NEK11: variants seen among roughly 807,000 people sequenced by gnomAD.
The protein encoded by NEK11 is NIMA related kinase 11.
A neutral mutation model predicts 80.7 loss-of-function variants in NEK11; 72 were observed. That is an observed-to-expected ratio of 0.89 (90% CI 0.74 to 1.08). NEK11 has a LOEUF of 1.08. Ranked by LOEUF, NEK11 falls within the 50% of genes least tolerant of loss-of-function variation. The probability of loss-of-function intolerance (pLI) is 0.00; values close to 1 mark genes in which losing one functional copy is unlikely to be tolerated. For missense variants in NEK11, 764 were observed against 763.6 expected, an observed-to-expected ratio of 1.00 and a Z score of -0.01; for synonymous variants, 251 against 260.7, an observed-to-expected ratio of 0.96 and a Z score of 0.36.
chr3:131,051,724 C>T (rs2068448422), intron 3 of NEK11, among the ~76,000 whole-genome samples: 1 of 151,960 alleles, frequency 6.6e-6, no homozygotes, highest in African/African-American at 2.4e-5. Flanking sequence ...TCAATGTTGT[C>T]CAGTCTGGTC....
intron 10 of NEK11, among the ~76,000 whole-genome samples, chr3:131,157,971 G>C (rs1289124817): frequency 6.6e-6 from 1 of 152,114 alleles, no homozygotes; most frequent in African/African-American, 2.4e-5. Context: ...CTGCAGCAGA[G>C]CATGGCCAGG....
intron 15 of NEK11, among the ~76,000 whole-genome samples, chr3:131,237,361 T>C (rs187826451): frequency 9.9e-5 from 15 of 152,174 alleles, no homozygotes; most frequent in Non-Finnish European, 1.9e-4. Context: ...AAATGCAACA[T>C]AGATGAGTTA....
intron 7 of NEK11, among the ~76,000 whole-genome samples, chr3:131,134,984 A>G (rs2085283062): frequency 6.6e-6 from 1 of 152,234 alleles, no homozygotes; most frequent in South Asian, 2.1e-4. Flanking sequence ...GTAAATAATT[A>G]CTGTATGCAA....
chr3:131,301,095 TC>T (rs1195370277), intron 17 of NEK11, among the ~76,000 whole-genome samples: 3 of 152,150 alleles, frequency 2.0e-5, no homozygotes. Flanking sequence ...GAATTTTCAC[TC>T]CCTGGTTAAC....
chr3:131,306,381 C>T (rs529630873), intron 17 of NEK11, among the ~76,000 whole-genome samples: 76 of 152,164 alleles, frequency 5.0e-4, no homozygotes, highest in African/African-American at 1.8e-3. Flanking sequence ...ATTCTACACT[C>T]CTAGGAATAA....
At chr3:131,311,438 T>A (rs1470820522) in intron 17 of NEK11, among the ~76,000 whole-genome samples, 1 of 152,222 alleles carries the variant, frequency 6.6e-6, no homozygotes, top group Non-Finnish European at 1.5e-5. Flanking sequence ...CCAAGACTTT[T>A]AAATCACTTC....
In NEK11 at chr3:131,168,926, G is replaced by A. The variant is rs1490204583; in HGVS notation, c.1273G>A (p.Gly425Ser). 1.2e-6 allele frequency: 2 copies of A among 1,613,592 alleles called. No individual in the cohort carries two copies. Among genetic ancestry groups the A allele is most frequent in the African/African-American group, 2.7e-5 (2 of 74,884 alleles). The change falls in exon 13 of 18, where the codon GGC becomes AGC. Residue 425 changes from glycine to serine, a missense_variant. Coordinates refer to ENST00000383366, the MANE Select transcript of NEK11 (RefSeq NM_024800.5). ...PQDEDEERWQGREEESDEPTL... is the reference protein window; with the variant it reads ...PQDEDEERWQSREEESDEPTL... The stretch of plus-strand genomic sequence containing the variant: ...GGACGAGGATGAAGAGAGGTGGCAA[G>A]GCAGGGAAGAGGCAAGTTTAATCAT...
intron 17 of NEK11, chr3:131,329,639 G>A (rs1417284606): frequency 6.6e-6 from 1 of 152,192 alleles, no homozygotes; most frequent in Non-Finnish European, 1.5e-5. Flanking sequence ...AAAGACTACA[G>A]TTTAAAGAGG....
chr3:131,029,696 CT>C lies in NEK11; in HGVS notation c.-11del, dbSNP rs769572251. ...CTATAAATGAATGAACCAGTTCTCT[CT>C]TGTTTGGAGCAATGCTGAAATTCCA... On this transcript the variant is annotated 5_prime_UTR_variant, in exon 3 of 18. Transcript: ENST00000383366. 6.8e-6 allele frequency: 11 copies of C among 1,612,580 alleles called. No homozygotes were observed. Among genetic ancestry groups the C allele is most frequent in the Non-Finnish European group, 8.5e-6 (10 of 1,178,930 alleles).
chr3:131,264,812 C>A (rs947972038), intron 16 of NEK11, among the ~76,000 whole-genome samples: 1 of 152,020 alleles, frequency 6.6e-6, no homozygotes, highest in Admixed American at 6.6e-5. Context: ...GGCAGTATGG[C>A]CATTTTCACA....
chr3:131,315,263 C>G (rs2096824644), intron 17 of NEK11, among the ~76,000 whole-genome samples: 1 of 152,138 alleles, frequency 6.6e-6, no homozygotes, highest in African/African-American at 2.4e-5. Flanking sequence ...CTTACATCTT[C>G]CCATTTAATC....
chr3:131,242,234 T>C (rs1288346789), intron 15 of NEK11, among the ~76,000 whole-genome samples: 1 of 152,164 alleles, frequency 6.6e-6, no homozygotes, highest in Non-Finnish European at 1.5e-5. Context: ...ATATTCCTCA[T>C]GTCTCTAAGG....
At position 131,173,878 on chromosome 3, in the gene NEK11, C is replaced by T. The variant is rs117131926; in HGVS notation, c.1399+2991C>T. On this transcript the variant is annotated intron_variant, in intron 14 of 17. Coordinates refer to ENST00000383366, the MANE Select transcript of NEK11 (RefSeq NM_024800.5). The stretch of plus-strand genomic sequence containing the variant: ...CCAGCCAGACTGGAAATCGTCAAAT[C>T]TACTTCTTTGACCACTTTGTTCATG... 9.1e-4 allele frequency among the ~76,000 whole-genome samples: 138 copies of T among 152,212 alleles called. 2 individuals are homozygous for T. In the East Asian group the frequency reaches 0.026, roughly 29 times the overall value.
intron 5 of NEK11, among the ~76,000 whole-genome samples, chr3:131,115,992 T>TTC (rs1553878713): frequency 2.4e-5 from 3 of 123,294 alleles, no homozygotes; most frequent in East Asian, 2.3e-4. Flanking sequence ...CTTTCTTTAT[T>TTC]ATACTTTAAG....
chr3:131,263,175 A>G (rs1381982030), intron 16 of NEK11, among the ~76,000 whole-genome samples: 2 of 151,368 alleles, frequency 1.3e-5, no homozygotes, highest in Admixed American at 6.6e-5. Context: ...TCCTAATGCT[A>G]TCCCTCCCTC....
chr3:131,217,547 T>C (rs1012739831), intron 14 of NEK11, among the ~76,000 whole-genome samples: 2 of 152,180 alleles, frequency 1.3e-5, no homozygotes, highest in African/African-American at 2.4e-5. Flanking sequence ...AATTTTGTCA[T>C]TGAGCAAACA....
intron 14 of NEK11, among the ~76,000 whole-genome samples, chr3:131,202,730 A>G (rs2094289518): frequency 6.6e-6 from 1 of 152,172 alleles, no homozygotes; most frequent in African/African-American, 2.4e-5. Context: ...CAAATTTACG[A>G]GAAAAAAATC....
intron 4 of NEK11, among the ~76,000 whole-genome samples, chr3:131,081,895 A>G (rs900471983): frequency 3.3e-5 from 5 of 152,334 alleles, no homozygotes; most frequent in South Asian, 2.1e-4. Context: ...AGCGAGAACA[A>G]CCTTGCCTGC....
intron 14 of NEK11, among the ~76,000 whole-genome samples, chr3:131,204,347 T>C (rs1337124437): frequency 6.6e-6 from 1 of 152,174 alleles, no homozygotes; most frequent in African/African-American, 2.4e-5. Flanking sequence ...TGAGTCACCC[T>C]AGCAAATTAA....
Sources: allele counts gnomAD v4.1 joint callset (sites outside exome capture counted in the v4.1 genomes callset), GRCh38; gene constraint gnomAD v4.1.1; transcripts MANE v1.5; gene names NCBI Gene and HGNC (gene_info 2026-07-23, HGNC 2026-07-21).